PLGRKT: variants seen among roughly 807,000 people sequenced by gnomAD.
The protein encoded by PLGRKT is plasminogen receptor (KT).
PLGRKT carries 22 observed loss-of-function variants against 18.5 expected under a neutral mutation model. The ratio of observed to expected loss-of-function variants is 1.19; its 90% CI spans 0.85 to 1.70. The LOEUF (loss-of-function observed/expected upper bound fraction) is 1.70, where lower values mean the gene tolerates loss of function less well. Among genes scored for constraint, PLGRKT ranks in the 40% most tolerant of loss-of-function variants. The pLI is 0.00. For missense variants in PLGRKT, 235 were observed against 174.4 expected (o/e 1.35, Z -1.96); for synonymous variants, 72 against 52.8 (o/e 1.36, Z -1.58).
intron 3 of PLGRKT, among the ~76,000 whole-genome samples, chr9:5,417,118 G>C (rs1021718771): frequency 3.3e-5 from 5 of 152,148 alleles, no homozygotes; most frequent in African/African-American, 1.2e-4. Flanking sequence ...GAAAGAGAAA[G>C]ACACAGCAGG....
intron 2 of PLGRKT, 104 bp from the exon 3 acceptor site, chr9:5,432,087 A>G (rs903924806): frequency 9.9e-6 from 6 of 606,890 alleles, no homozygotes; most frequent in Middle Eastern, 4.3e-4. Flanking sequence ...AAAAAAAAAA[A>G]GTAAAATTTC....
In PLGRKT at chr9:5,393,390, T is replaced by C. The variant is rs977284999; in HGVS notation, c.82-31502A>G. Among the ~76,000 whole-genome samples the C allele has an allele frequency of 4.6e-5, 7 of 151,904 alleles. 1 individual carries two copies. Among genetic ancestry groups the C allele is most frequent in the African/African-American group, 1.7e-4 (7 of 41,192 alleles). ...TTTTCTATGGTTACTGTGAAATATG[T>C]GGATTTTTAAAAATAGCTCTAGCAG... On this transcript the variant is annotated intron_variant, in intron 3 of 5. Transcript: ENST00000223864.
intron 3 of PLGRKT, among the ~76,000 whole-genome samples, chr9:5,384,313 A>C (rs962362848): frequency 2.6e-5 from 4 of 152,248 alleles, no homozygotes; most frequent in African/African-American, 4.8e-5. Flanking sequence ...AGACAGGGGA[A>C]TCTTTTAATT....
chr9:5,435,336 A>AAAAG (rs1474253898), intron 2 of PLGRKT, among the ~76,000 whole-genome samples: 119 of 150,306 alleles, frequency 7.9e-4, no homozygotes, highest in African/African-American at 2.9e-3. Flanking sequence ...AAAAAAAAAA[A>AAAAG]AAGAAGAAGA....
intron 3 of PLGRKT, among the ~76,000 whole-genome samples, chr9:5,396,818 G>C (rs1818058609): frequency 6.6e-6 from 1 of 151,954 alleles, no homozygotes; most frequent in Non-Finnish European, 1.5e-5. Context: ...GTAACAGATG[G>C]AAGCCAGCTA....
At chr9:5,393,335 C>A (rs561969497) in intron 3 of PLGRKT, among the ~76,000 whole-genome samples, 57 of 151,702 alleles carry the variant, frequency 3.8e-4, no homozygotes, top group African/African-American at 1.4e-3. Flanking sequence ...TATTTAAAAG[C>A]CTTCTACTTC....
chr9:5,362,610 A>C (rs1340626886), intron 3 of PLGRKT, among the ~76,000 whole-genome samples: 1 of 152,202 alleles, frequency 6.6e-6, no homozygotes, highest in Non-Finnish European at 1.5e-5. Flanking sequence ...TTGATGTTTT[A>C]ATTCTAAAAT....
At chr9:5,387,601 A>G (rs1374206518) in intron 3 of PLGRKT, among the ~76,000 whole-genome samples, 1 of 151,846 alleles carries the variant, frequency 6.6e-6, no homozygotes, top group Non-Finnish European at 1.5e-5. Flanking sequence ...GGCAAAATTA[A>G]TTTATGGGGA....
chr9:5,363,667 G>C (rs1817318334), intron 3 of PLGRKT, among the ~76,000 whole-genome samples: 1 of 152,144 alleles, frequency 6.6e-6, no homozygotes, highest in Admixed American at 6.5e-5. Context: ...GGGATCCCCA[G>C]ATGCATCTGG....
Position 5,419,906 on chromosome 9 carries a change from A to G in PLGRKT, c.81+11991T>C, listed in dbSNP as rs1430012189. On this transcript the variant is annotated intron_variant, in intron 3 of 5. Transcript: ENST00000223864. ...AAAAGAATGGAAAACAACTGTTCAA[A>G]CAAAAACTGGTATAAGAATGTTCAC... Among the ~76,000 whole-genome samples the G allele has an allele frequency of 2.0e-5, 3 of 152,234 alleles. No homozygotes were observed. The East Asian group carries it at 5.8e-4, about 29-fold the overall frequency.
chr9:5,385,213 G>C (rs1016275168), intron 3 of PLGRKT, among the ~76,000 whole-genome samples: 5 of 152,134 alleles, frequency 3.3e-5, no homozygotes, highest in African/African-American at 1.2e-4. Context: ...AAATCCATCA[G>C]TATTAAAACA....
At chr9:5,437,113 T>A (rs2131188315) in intron 1 of PLGRKT, among the ~76,000 whole-genome samples, 1 of 152,334 alleles carries the variant, frequency 6.6e-6, no homozygotes, top group East Asian at 1.9e-4. Context: ...GGGTCTTTAA[T>A]GCTTCAGCCC....
At chr9:5,401,595 C>G (rs963172409) in intron 3 of PLGRKT, among the ~76,000 whole-genome samples, 1 of 151,764 alleles carries the variant, frequency 6.6e-6, no homozygotes, top group African/African-American at 2.4e-5. Flanking sequence ...TTAAGCAGAG[C>G]CTTCCATCTA....
At chr9:5,429,793 AC>A (rs1818784510) in intron 3 of PLGRKT, among the ~76,000 whole-genome samples, 1 of 152,172 alleles carries the variant, frequency 6.6e-6, no homozygotes, top group Non-Finnish European at 1.5e-5. Context: ...ACACATTTCA[AC>A]CCATAACACA....
chr9:5,361,879 G>A lies in PLGRKT; in HGVS notation c.91C>T (p.Gln31Ter), dbSNP rs555291353. The change falls in exon 4 of 6, where the codon CAG (glutamine) becomes TAG (stop). Residue 31 changes from glutamine (Q) to a stop codon, truncating the protein, a stop_gained. Transcript: ENST00000223864. LOFTEE classifies it high-confidence loss of function. ...LMNARLQLERQLIMQSEMRER... is the reference protein window; with the variant it reads ...LMNARLQLER Reference sequence around the variant, plus strand: ...CTCATTTCACTCTGCATGATGAGCTGCCTTTCCAGCTAAGGACAAAACAAA... The same window carrying A: ...CTCATTTCACTCTGCATGATGAGCTACCTTTCCAGCTAAGGACAAAACAAA... 3 of 1,612,252 alleles carry A rather than the reference G, an allele frequency of 1.9e-6. No homozygotes were observed. Among genetic ancestry groups the A allele is most frequent in the East Asian group, 2.2e-5 (1 of 44,810 alleles).
At chr9:5,397,480 TCAC>T (rs1220920706) in intron 3 of PLGRKT, among the ~76,000 whole-genome samples, 1 of 150,618 alleles carries the variant, frequency 6.6e-6, no homozygotes, top group Non-Finnish European at 1.5e-5. Context: ...TGTATCCCAA[TCAC>T]CTTAGATAGG....
intron 3 of PLGRKT, among the ~76,000 whole-genome samples, chr9:5,369,042 C>T (rs1817458423): frequency 6.6e-6 from 1 of 152,142 alleles, no homozygotes; most frequent in Non-Finnish European, 1.5e-5. Context: ...AGGACATAGG[C>T]ATGGGCAAGG....
At chr9:5,436,505 G>C (rs1004984774) in intron 2 of PLGRKT, 64 bp downstream of exon 2, 3 of 152,242 alleles carry the variant, frequency 2.0e-5, no homozygotes, top group Admixed American at 1.3e-4. Context: ...CCTGAAAAGA[G>C]AGAGTCCTCA....
chr9:5,414,861 A>G (rs1314982375), intron 3 of PLGRKT, among the ~76,000 whole-genome samples: 1 of 152,242 alleles, frequency 6.6e-6, no homozygotes, highest in Non-Finnish European at 1.5e-5. Context: ...CTAGAATGAA[A>G]TGTGTCACAC....
Sources: allele counts gnomAD v4.1 joint callset (sites outside exome capture counted in the v4.1 genomes callset), GRCh38; gene constraint gnomAD v4.1.1; transcripts MANE v1.5; gene names NCBI Gene and HGNC (gene_info 2026-07-23, HGNC 2026-07-21).